Variants in B4GALT1 observed in about 807,000 individuals in gnomAD.
B4GALT1 encodes the protein beta-1,4-galactosyltransferase 1, also known as N-acetyllactosamine synthase.
In B4GALT1, 16 loss-of-function variants were observed where a neutral mutation model predicts 34.9. The observed-to-expected ratio is 0.46, with a 90% CI of 0.31 to 0.70. The LOEUF is 0.70. B4GALT1 is among the 30% of genes least tolerant of loss of function. The probability of loss-of-function intolerance (pLI) is 0.05; values close to 1 mark genes in which losing one functional copy is unlikely to be tolerated. For missense variants in B4GALT1, 445 were observed against 530.5 expected (o/e 0.84, Z 1.58); for synonymous variants, 221 against 218.1 (o/e 1.01, Z -0.12).
At chr9:33,119,640 C>T (rs1839991949) in intron 3 of B4GALT1, among the ~76,000 whole-genome samples, 1 of 152,148 alleles carries the variant, frequency 6.6e-6, no homozygotes, top group Non-Finnish European at 1.5e-5. Flanking sequence ...GGATTGAGCC[C>T]AGGCAGTCAA....
intron 4 of B4GALT1, among the ~76,000 whole-genome samples, chr9:33,115,072 C>A (rs1368737096): frequency 6.6e-6 from 1 of 152,244 alleles, no homozygotes; most frequent in Non-Finnish European, 1.5e-5. Context: ...CTGCCTGGCA[C>A]AGTGCTCTGT....
At position 33,126,939 on chromosome 9, in the gene B4GALT1, TTTTG is replaced by T. The variant is rs369738830; in HGVS notation, c.649-6337_649-6334del. 4.2e-4 allele frequency among the ~76,000 whole-genome samples: 64 copies of T among 151,188 alleles called. 1 individual carries two copies. The highest frequency in any genetic ancestry group is 1.1e-3 in the African/African-American group (46 of 41,060). On this transcript the variant is annotated intron_variant, in intron 2 of 5. Transcript: ENST00000379731. Reference sequence around the variant, plus strand: ...GTGAAGTGAGCACAGAAGAGACAGTTTTTGTTTGTTTGTTTTTTTGTTTTGTTTG... The same window carrying T: ...GTGAAGTGAGCACAGAAGAGACAGTTTTTGTTTGTTTTTTTGTTTTGTTTG...
intron 1 of B4GALT1, 144 bp from the exon 2 acceptor site, chr9:33,135,568 C>A: frequency 1.3e-6 from 1 of 784,086 alleles, no homozygotes; most frequent in Admixed American, 2.1e-5. Context: ...AGAGGGCCCT[C>A]CTGCCCAGCA....
chr9:33,181,967 T>C, the B4GALT1 span, among the ~76,000 whole-genome samples: 7 of 151,756 alleles, frequency 4.6e-5, no homozygotes, highest in East Asian at 7.7e-4. Context: ...TCTTTCTTTT[T>C]TTTTTTTTTT....
intron 1 of B4GALT1, among the ~76,000 whole-genome samples, chr9:33,154,812 T>C (rs1387888947): frequency 6.6e-6 from 1 of 152,138 alleles, no homozygotes; most frequent in African/African-American, 2.4e-5. Flanking sequence ...TCAACACAAA[T>C]TCATGAACTC....
At chr9:33,159,375 A>G (rs1175897242) in intron 1 of B4GALT1, among the ~76,000 whole-genome samples, 2 of 152,176 alleles carry the variant, frequency 1.3e-5, no homozygotes, top group African/African-American at 4.8e-5. Flanking sequence ...CTCACACTGT[A>G]TCCGTCACAC....
intron 1 of B4GALT1, among the ~76,000 whole-genome samples, chr9:33,145,518 C>G (rs1273610958): frequency 6.6e-6 from 1 of 152,180 alleles, no homozygotes; most frequent in African/African-American, 2.4e-5. Context: ...GATTCTGCCA[C>G]CTCAAAGGGC....
intron 1 of B4GALT1, among the ~76,000 whole-genome samples, chr9:33,154,817 G>C (rs552505723): frequency 1.3e-5 from 2 of 152,282 alleles, no homozygotes; most frequent in South Asian, 4.1e-4. Flanking sequence ...ACAAATTCAT[G>C]AACTCTCTTA....
intron 3 of B4GALT1, among the ~76,000 whole-genome samples, chr9:33,118,533 G>A (rs1839973994): frequency 6.6e-6 from 1 of 151,542 alleles, no homozygotes. Flanking sequence ...AGCCAGGGGT[G>A]CTGGCCCACA....
chr9:33,150,062 T>C (rs1038965400), intron 1 of B4GALT1, among the ~76,000 whole-genome samples: 7 of 151,908 alleles, frequency 4.6e-5, no homozygotes, highest in Non-Finnish European at 7.4e-5. Context: ...TGTTTATATA[T>C]ATATTTTTAA....
At chr9:33,156,653 C>T (rs1191042165) in intron 1 of B4GALT1, among the ~76,000 whole-genome samples, 1 of 152,128 alleles carries the variant, frequency 6.6e-6, no homozygotes, top group Non-Finnish European at 1.5e-5. Flanking sequence ...TTCATTAGGG[C>T]CCTGTTTCTG....
the B4GALT1 span, among the ~76,000 whole-genome samples, chr9:33,173,853 A>C: frequency 6.6e-6 from 1 of 152,206 alleles, no homozygotes; most frequent in Non-Finnish European, 1.5e-5. Context: ...TCAAAAAGAC[A>C]CAGAAATCAG....
chr9:33,125,537 G>A (rs1840078576), intron 2 of B4GALT1, among the ~76,000 whole-genome samples: 2 of 152,192 alleles, frequency 1.3e-5, no homozygotes, highest in South Asian at 2.1e-4. Flanking sequence ...GGCAACAACC[G>A]TGGGTAAGCA....
At chr9:33,106,308 G>C (rs1192169992), downstream of B4GALT1, among the ~76,000 whole-genome samples, 1 of 152,158 alleles carries the variant, frequency 6.6e-6, no homozygotes, top group African/African-American at 2.4e-5. Flanking sequence ...AGGACAGATG[G>C]CCCAGCTGAA....
chr9:33,121,045 C>T (rs946234252), intron 2 of B4GALT1, among the ~76,000 whole-genome samples: 14 of 152,188 alleles, frequency 9.2e-5, no homozygotes, highest in African/African-American at 1.7e-4. Context: ...GAAAGGTATC[C>T]AGGAAACTGG....
intron 3 of B4GALT1, among the ~76,000 whole-genome samples, chr9:33,119,669 T>C (rs936990946): frequency 1.3e-5 from 2 of 152,122 alleles, no homozygotes; most frequent in African/African-American, 2.4e-5. Context: ...TGAGCCATGA[T>C]TGTGTCACTG....
chr9:33,123,829 A>G (rs1232261243), intron 2 of B4GALT1, among the ~76,000 whole-genome samples: 3 of 152,240 alleles, frequency 2.0e-5, no homozygotes, highest in African/African-American at 4.8e-5. Flanking sequence ...CCCAAGAAGC[A>G]GACCTGGTTC....
chr9:33,170,629 G>T (rs1412836071), upstream of B4GALT1, among the ~76,000 whole-genome samples: 1 of 152,216 alleles, frequency 6.6e-6, no homozygotes, highest in African/African-American at 2.4e-5. Context: ...CTTGCTGATT[G>T]CCTATCCCTC....
At chr9:33,136,537 C>T (rs563951511) in intron 1 of B4GALT1, among the ~76,000 whole-genome samples, 4 of 152,206 alleles carry the variant, frequency 2.6e-5, no homozygotes, top group Non-Finnish European at 4.4e-5. Context: ...CAAATAAGAA[C>T]GGGAATGCTG....
Sources: allele counts gnomAD v4.1 joint callset (sites outside exome capture counted in the v4.1 genomes callset), GRCh38; gene constraint gnomAD v4.1.1; transcripts MANE v1.5; gene names NCBI Gene and HGNC (gene_info 2026-07-23, HGNC 2026-07-21).